GNB1: variants seen among roughly 807,000 people sequenced by gnomAD.
GNB1 encodes the protein G protein subunit beta 1, also known as guanine nucleotide-binding protein G(I)/G(S)/G(T) subunit beta-1.
A neutral mutation model predicts 42.9 loss-of-function variants in GNB1; 2 were observed. That is an observed-to-expected ratio of 0.05 (90% confidence interval 0.02 to 0.15). The LOEUF is 0.15. Among genes scored for constraint, GNB1 ranks in the 10% least tolerant of loss-of-function variants. The pLI is 1.00. For missense variants in GNB1, 193 were observed against 462.2 expected, an observed-to-expected ratio of 0.42 and a Z score of 5.34; for synonymous variants, 183 against 174.7, an observed-to-expected ratio of 1.05 and a Z score of -0.38.
intron 1 of GNB1, among the ~76,000 whole-genome samples, chr1:1,866,163 C>A (rs1378858711): frequency 6.6e-6 from 1 of 152,250 alleles, no homozygotes; most frequent in Non-Finnish European, 1.5e-5. Context: ...TGGTCTCAAA[C>A]TCCTGACCTC....
intron 1 of GNB1, among the ~76,000 whole-genome samples, chr1:1,866,855 G>C (rs1570737736): frequency 6.6e-6 from 1 of 152,160 alleles, no homozygotes; most frequent in African/African-American, 2.4e-5. Flanking sequence ...TCAGGAGGCT[G>C]AGGCAGGAGA....
At chr1:1,884,333 T>C (rs964073167) in intron 1 of GNB1, among the ~76,000 whole-genome samples, 1 of 152,134 alleles carries the variant, frequency 6.6e-6, no homozygotes, top group African/African-American at 2.4e-5. Context: ...CTCCTCGGCC[T>C]CCCAAAGTGC....
At chr1:1,824,442 C>G (rs887382347) in intron 3 of GNB1, among the ~76,000 whole-genome samples, 1 of 152,120 alleles carries the variant, frequency 6.6e-6, no homozygotes, top group Non-Finnish European at 1.5e-5. Context: ...AACTCTCTCT[C>G]AAATAAAAGT....
chr1:1,861,110 CAA>C lies in GNB1; in HGVS notation c.-95-21874_-95-21873del, dbSNP rs34626560. Among the ~76,000 whole-genome samples, 46 of 106,994 alleles carry C rather than the reference CAA, an allele frequency of 4.3e-4. No homozygotes were observed. The South Asian group carries it at 4.7e-3, about 11-fold the overall frequency. The allele number at this position is 106,994 out of a possible 152,430, so 70.2% of individuals were successfully genotyped here. On this transcript the variant is annotated intron_variant, in intron 1 of 11. Transcript: ENST00000378609. ...GGCGACAGAGCGAGACTCTGTCTCA[CAA>C]AAAAAAAAAAAAAAAAGGGAACTGA...
chr1:1,830,491 C>T (rs529923518), intron 2 of GNB1, among the ~76,000 whole-genome samples: 30 of 151,962 alleles, frequency 2.0e-4, no homozygotes, highest in Middle Eastern at 3.4e-3. Context: ...CCTCGTGATC[C>T]GCCCGCCTCA....
In GNB1 at chr1:1,787,683, T is replaced by C. The variant is rs1291866051; in HGVS notation, c.917-246A>G. 6.6e-6 allele frequency among the ~76,000 whole-genome samples: 1 copy of C among 152,088 alleles called. No homozygotes were observed. The highest frequency in any genetic ancestry group is 1.5e-5 in the Non-Finnish European group (1 of 68,016). ...TAAATCCAGAGCCCCTGGCATTGAC[T>C]TCTCAGCACTCACTTATAAAACTTA... On this transcript the variant is annotated intron_variant, in intron 10 of 11. Transcript: ENST00000378609. The surrounding 1 kb of genome is among the most constrained non-coding windows in gnomAD (Gnocchi z 4.4).
rs114351831 is a variant in GNB1, at chr1:1,842,553, A to G, written c.-95-3315T>C. Among the ~76,000 whole-genome samples the G allele has an allele frequency of 8.4e-3, 1,285 of 152,322 alleles. 21 individuals are homozygous for G. The highest frequency in any genetic ancestry group is 0.03 in the African/African-American group (1,247 of 41,574). On this transcript the variant is annotated intron_variant, in intron 1 of 11. Transcript: ENST00000378609. ...GCCACATATATACAACCCCATTTAC[A>G]TGAAATATCCGGAACACACAAATCC...
chr1:1,830,650 C>T (rs1238159951), intron 2 of GNB1, among the ~76,000 whole-genome samples: 1 of 152,074 alleles, frequency 6.6e-6, no homozygotes, highest in East Asian at 1.9e-4. Context: ...TCAAGCCATC[C>T]TTCTACCTTA....
chr1:1,889,593 C>T (rs1650353376), intron 1 of GNB1, among the ~76,000 whole-genome samples: 1 of 150,192 alleles, frequency 6.7e-6, no homozygotes, highest in South Asian at 2.1e-4. Flanking sequence ...GGGAGGATCG[C>T]TTGAGCCCCA....
rs1475217582 is a variant in GNB1 at position 1,790,655 on chromosome 1, T to C, written c.498-59A>G. The stretch of plus-strand genomic sequence containing the variant: ...CCTTAACTTCTTGGGTGGCTAGTCA[T>C]GTGACAGACAATCTGTCCTTCAAAC... On this transcript the variant is annotated intron_variant, in intron 8 of 11. Transcript: ENST00000378609. This position sits in a 1 kb window ranked among gnomAD's most constrained non-coding sequence, Gnocchi z 5.4. The C allele has an allele frequency of 3.4e-6, 4 of 1,184,354 alleles. No homozygotes were observed. In the Admixed American group the frequency reaches 5.4e-5, roughly 16 times the overall value. 73.4% of individuals were successfully genotyped at this position (1,184,354 alleles called of 1,614,324 possible).
At chr1:1,859,593 C>T (rs963460676) in intron 1 of GNB1, among the ~76,000 whole-genome samples, 11 of 149,850 alleles carry the variant, frequency 7.3e-5, no homozygotes, top group African/African-American at 1.5e-4. Flanking sequence ...GAGACGCCAA[C>T]GGAGACTGAT....
chr1:1,878,118 G>A (rs1649648172), intron 1 of GNB1, among the ~76,000 whole-genome samples: 1 of 152,188 alleles, frequency 6.6e-6, no homozygotes, highest in East Asian at 1.9e-4. Flanking sequence ...GTAAGATGGA[G>A]CTATTAACAG....
intron 1 of GNB1, among the ~76,000 whole-genome samples, chr1:1,874,681 C>T (rs559083297): frequency 2.2e-4 from 32 of 148,136 alleles, no homozygotes; most frequent in African/African-American, 6.5e-4. Flanking sequence ...GTCCCACCTA[C>T]TTGGGAGACT....
intron 1 of GNB1, among the ~76,000 whole-genome samples, chr1:1,857,415 A>G (rs1648366599): frequency 6.6e-6 from 1 of 152,142 alleles, no homozygotes; most frequent in South Asian, 2.1e-4. Flanking sequence ...GCAGCCTAGG[A>G]TTCTAAATCA....
rs575753596 is a variant in GNB1 at position 1,805,100 on chromosome 1, T to G, written c.268-519A>C. Among the ~76,000 whole-genome samples the G allele has an allele frequency of 2.0e-5, 3 of 152,162 alleles. No individual in the cohort carries two copies. In the South Asian group the frequency reaches 6.2e-4, roughly 32 times the overall value. On this transcript the variant is annotated intron_variant, in intron 6 of 11. Transcript: ENST00000378609. The stretch of plus-strand genomic sequence containing the variant: ...TCACTTGAACCCGGGAGGCGGAGGT[T>G]GCAGTGAGCTGAGATCACGCCACTG...
chr1:1,834,419 T>C (rs1647117084), intron 2 of GNB1, among the ~76,000 whole-genome samples: 1 of 152,194 alleles, frequency 6.6e-6, no homozygotes, highest in Non-Finnish European at 1.5e-5. Flanking sequence ...TTTTTGCTTT[T>C]AGGGCGGAGC....
At chr1:1,806,429 G>A (rs1445179948) in intron 6 of GNB1, 46 bp downstream of exon 6, 1 of 1,149,202 alleles carries the variant, frequency 8.7e-7, no homozygotes, top group Non-Finnish European at 1.3e-6. Context: ...TTAAAACCCT[G>A]TTTCCTGGGT....
At chr1:1,820,278 A>G (rs1646914258) in intron 3 of GNB1, among the ~76,000 whole-genome samples, 1 of 149,458 alleles carries the variant, frequency 6.7e-6, no homozygotes, top group Non-Finnish European at 1.5e-5. Flanking sequence ...GAATCGCTTG[A>G]ACCTGGGAGG....
intron 1 of GNB1, among the ~76,000 whole-genome samples, chr1:1,876,644 G>C (rs1376027294): frequency 1.3e-5 from 2 of 152,154 alleles, no homozygotes; most frequent in Non-Finnish European, 2.9e-5. Context: ...AAGTGTCATA[G>C]GCATAAGCCA....
Sources: gnomAD v4.1 joint callset for allele counts (sites outside exome capture counted in the v4.1 genomes callset) on GRCh38, gnomAD v4.1.1 for gene constraint, Gnocchi (gnomAD v3.1) non-coding constraint, MANE v1.5 for transcripts, NCBI Gene and HGNC (gene_info 2026-07-23, HGNC 2026-07-21) for gene names.